DPH6: variants seen among roughly 807,000 people sequenced by gnomAD.
The protein encoded by DPH6 is diphthamine biosynthesis 6.
In DPH6, 33 loss-of-function variants were observed where a neutral mutation model predicts 38.2. The ratio of observed to expected loss-of-function variants is 0.86; its 90% CI spans 0.65 to 1.15. The LOEUF (loss-of-function observed/expected upper bound fraction) is 1.15. DPH6 is among the 50% of genes most tolerant of loss of function. The probability of loss-of-function intolerance (pLI) is 0.00; values close to 1 mark genes in which losing one functional copy is unlikely to be tolerated. For missense variants in DPH6, 325 were observed against 320.0 expected (o/e 1.02, Z -0.12); for synonymous variants, 108 against 103.0 (o/e 1.05, Z -0.30).
intron 3 of DPH6, among the ~76,000 whole-genome samples, chr15:35,306,897 A>G (rs1049156119): frequency 3.9e-5 from 6 of 152,172 alleles, no homozygotes; most frequent in African/African-American, 1.4e-4. Context: ...AAGCAAAAAG[A>G]CTGGGTGGAT....
exon 4 of DPH6, chr15:35,220,515 C>T (rs72707077): frequency 6.6e-6 from 1 of 152,218 alleles, no homozygotes; most frequent in Non-Finnish European, 1.5e-5. Context: ...CTGAAAAGTC[C>T]ACTATAAAGA....
At chr15:35,307,028 A>T (rs1405396472) in intron 3 of DPH6, among the ~76,000 whole-genome samples, 1 of 152,222 alleles carries the variant, frequency 6.6e-6, no homozygotes, top group Non-Finnish European at 1.5e-5. Flanking sequence ...GGGCTTTTAT[A>T]GTATGACTGT....
In DPH6 at chr15:35,241,287, G is replaced by C. The variant is rs1289195048; in HGVS notation, n.201-20705C>G. On this transcript the variant is annotated intron_variant and non_coding_transcript_variant, in intron 3 of 3. Transcript: ENST00000560386. ...CCTCGGAAGCCCCCTAGACCATCAC[G>C]GACGCCGAGCTTTGGGTAACTCTCA... Among the ~76,000 whole-genome samples the C allele has an allele frequency of 5.1e-5, 7 of 136,068 alleles. 1 individual carries two copies. The highest frequency in any genetic ancestry group is 3.5e-3 in the Middle Eastern group (1 of 286). The allele number at this position is 136,068 out of a possible 152,430, so 89.3% of individuals were successfully genotyped here. A position where few individuals can be genotyped will look rare whatever the true frequency, so the allele number is the denominator to read the frequency against.
chr15:35,237,391 T>C lies in DPH6; in HGVS notation n.201-16809A>G. The C allele has an allele frequency of 5.0e-6, 8 of 1,604,118 alleles. No homozygotes were observed. In the South Asian group the frequency reaches 8.8e-5, roughly 18 times the overall value. On this transcript the variant is annotated intron_variant and non_coding_transcript_variant, in intron 3 of 3. Transcript: ENST00000560386. ...GGACGCCCTCTGATGTGAAAGAACTTGTCCTGGACAACAGTCGGTCGAATG... is the reference window on the plus strand; with the variant it reads ...GGACGCCCTCTGATGTGAAAGAACTCGTCCTGGACAACAGTCGGTCGAATG...
rs528047911 is a variant in DPH6, at chr15:35,345,507, T to C, written n.208-14430A>G. ...TCTATTGCACATGATTATGCGTGGT[T>C]GTCTGTATTATTCTGTTAATATGGT... is the stretch of plus-strand genomic sequence containing the variant. On this transcript the variant is annotated intron_variant and non_coding_transcript_variant, in intron 3 of 3. Coordinates refer to the DPH6 transcript ENST00000558973. Among the ~76,000 whole-genome samples, 399 of 152,034 alleles carry C rather than the reference T, an allele frequency of 2.6e-3. 1 individual carries two copies. The highest frequency in any genetic ancestry group is 4.8e-3 in the Non-Finnish European group (325 of 67,824).
chr15:35,257,311 T>A (rs1455369343), intron 3 of DPH6, among the ~76,000 whole-genome samples: 1 of 152,110 alleles, frequency 6.6e-6, no homozygotes, highest in African/African-American at 2.4e-5. Flanking sequence ...AAAGTCTAGT[T>A]AGAGAAATAC....
intron 3 of DPH6, among the ~76,000 whole-genome samples, chr15:35,473,588 T>A (rs757570713): frequency 6.6e-6 from 1 of 152,142 alleles, no homozygotes; most frequent in Non-Finnish European, 1.5e-5. Context: ...TTGGTACGCA[T>A]ATACCAATAT....
At chr15:35,217,942 C>T (rs1280831099) in exon 4 of DPH6, 1 of 152,112 alleles carries the variant, frequency 6.6e-6, no homozygotes, top group African/African-American at 2.4e-5. Flanking sequence ...CTCTCGATGA[C>T]TTATAATACT....
intron 6 of DPH6, among the ~76,000 whole-genome samples, chr15:35,393,580 C>A (rs866736815): frequency 6.6e-6 from 1 of 152,088 alleles, no homozygotes; most frequent in African/African-American, 2.4e-5. Flanking sequence ...AGTTCAGATT[C>A]TTTTCTGTAT....
downstream of DPH6, among the ~76,000 whole-genome samples, chr15:35,216,939 T>A (rs2051413811): frequency 6.6e-6 from 1 of 152,170 alleles, no homozygotes; most frequent in Non-Finnish European, 1.5e-5. Context: ...GAGGACAGAA[T>A]GTAAAGGAAA....
At chr15:35,180,993 T>C in the DPH6 span, among the ~76,000 whole-genome samples, 2 of 152,192 alleles carry the variant, frequency 1.3e-5, no homozygotes. Flanking sequence ...TGTAGCTGTG[T>C]TGACATTAGT....
chr15:35,291,137 A>G (rs2051977585), intron 3 of DPH6, among the ~76,000 whole-genome samples: 1 of 152,172 alleles, frequency 6.6e-6, no homozygotes, highest in African/African-American at 2.4e-5. Flanking sequence ...CATGCCTACA[A>G]GCTGAAAATC....
chr15:35,456,006 T>A (rs2141092793), intron 3 of DPH6, among the ~76,000 whole-genome samples: 1 of 152,252 alleles, frequency 6.6e-6, no homozygotes, highest in South Asian at 2.1e-4. Flanking sequence ...GTCTTTAAAG[T>A]CGATTTAAAA....
At chr15:35,260,521 T>G (rs1362222722) in intron 3 of DPH6, among the ~76,000 whole-genome samples, 1 of 150,834 alleles carries the variant, frequency 6.6e-6, no homozygotes, top group Non-Finnish European at 1.5e-5. Flanking sequence ...AATTAAGTAA[T>G]ATGAAGTTTA....
intron 1 of DPH6, among the ~76,000 whole-genome samples, chr15:35,545,900 C>G (rs2055343044): frequency 6.6e-6 from 1 of 152,188 alleles, no homozygotes; most frequent in Non-Finnish European, 1.5e-5. Flanking sequence ...GGCTAGAAGA[C>G]CAGAGAGCGA....
intron 3 of DPH6, among the ~76,000 whole-genome samples, chr15:35,226,204 A>G (rs540851984): frequency 2.8e-4 from 42 of 152,306 alleles, no homozygotes; most frequent in African/African-American, 9.1e-4. Flanking sequence ...ATGTTCATGT[A>G]TCTATTCGGT....
chr15:35,323,413 T>C (rs367546871), intron 3 of DPH6, among the ~76,000 whole-genome samples: 34 of 152,040 alleles, frequency 2.2e-4, no homozygotes, highest in African/African-American at 8.0e-4. Flanking sequence ...TTTGTTTCCT[T>C]TTTTTTTCTT....
intron 3 of DPH6, among the ~76,000 whole-genome samples, chr15:35,286,742 T>G (rs1566859998): frequency 6.6e-6 from 1 of 152,230 alleles, no homozygotes; most frequent in Non-Finnish European, 1.5e-5. Flanking sequence ...GGGAGGGGAC[T>G]GGTGAGATGT....
chr15:35,284,909 C>G (rs2051930330), intron 3 of DPH6, among the ~76,000 whole-genome samples: 1 of 142,174 alleles, frequency 7.0e-6, no homozygotes, highest in South Asian at 2.3e-4. Flanking sequence ...AACTCCTGGG[C>G]TCAAGCAATC....
Sources: allele counts gnomAD v4.1 joint callset (sites outside exome capture counted in the v4.1 genomes callset), GRCh38; gene constraint gnomAD v4.1.1; transcripts MANE v1.5; gene names NCBI Gene and HGNC (gene_info 2026-07-23, HGNC 2026-07-21).